GTF2F2: variants seen among roughly 807,000 people sequenced by gnomAD.
GTF2F2 encodes the protein general transcription factor IIF subunit 2.
A neutral mutation model predicts 42.2 loss-of-function variants in GTF2F2; 23 were observed. The ratio of observed to expected loss-of-function variants is 0.55; its 90% CI spans 0.39 to 0.77. The LOEUF is 0.77. GTF2F2 is among the 30% of genes least tolerant of loss of function. The pLI, the probability that GTF2F2 is intolerant of heterozygous loss-of-function variation, is 0.00. For missense variants in GTF2F2, 261 were observed against 287.2 expected (o/e 0.91, Z 0.66); for synonymous variants, 105 against 100.8 (o/e 1.04, Z -0.25).
At chr13:45,255,595 C>T (rs776238066) in intron 6 of GTF2F2, among the ~76,000 whole-genome samples, 2 of 152,178 alleles carry the variant, frequency 1.3e-5, no homozygotes, top group Non-Finnish European at 2.9e-5. Flanking sequence ...AGATTAAAGT[C>T]CACATCTTTG....
chr13:45,222,334 T>C (rs761430038), intron 5 of GTF2F2, among the ~76,000 whole-genome samples: 100 of 152,220 alleles, frequency 6.6e-4, no homozygotes, highest in Non-Finnish European at 1.3e-3. Context: ...CAAAATCCTT[T>C]GGGATTTTGT....
chr13:45,225,611 CAAAAAA>C (rs35637992), intron 5 of GTF2F2, among the ~76,000 whole-genome samples: 2 of 65,560 alleles, frequency 3.1e-5, no homozygotes, highest in South Asian at 4.8e-4. Context: ...AGCTCTGTCT[CAAAAAA>C]AAAAAAAAAA....
chr13:45,194,545 C>T (rs763027796), intron 4 of GTF2F2: 13 of 1,611,714 alleles, frequency 8.1e-6, no homozygotes, highest in Non-Finnish European at 1.1e-5. Flanking sequence ...TTCTTTTTCT[C>T]TTCTGTTTAT....
At chr13:45,146,680 A>G (rs1025877941) in intron 2 of GTF2F2, among the ~76,000 whole-genome samples, 1 of 152,232 alleles carries the variant, frequency 6.6e-6, no homozygotes, top group African/African-American at 2.4e-5. Flanking sequence ...AAATTAAGAA[A>G]GGCAACAGGA....
At chr13:45,207,380 AATG>A (rs1318961632) in intron 4 of GTF2F2, 41 bp from the exon 5 acceptor site, 13 of 1,156,182 alleles carry the variant, frequency 1.1e-5, no homozygotes, top group Middle Eastern at 1.9e-4. Flanking sequence ...CAGTCTTGAA[AATG>A]ATAAGTATTA....
At chr13:45,281,351 G>A (rs1346061657) in intron 7 of GTF2F2, among the ~76,000 whole-genome samples, 1 of 152,126 alleles carries the variant, frequency 6.6e-6, no homozygotes, top group Non-Finnish European at 1.5e-5. Flanking sequence ...TATGTTTCTA[G>A]GTGACAACCT....
chr13:45,197,870 A>G (rs114671136), intron 4 of GTF2F2, among the ~76,000 whole-genome samples: 495 of 152,326 alleles, frequency 3.2e-3, no homozygotes, highest in African/African-American at 0.012. Context: ...GGAACTGCTC[A>G]ATTTAATGGT....
At chr13:45,167,396 ATT>A (rs761750778) in intron 4 of GTF2F2, among the ~76,000 whole-genome samples, 66 of 104,238 alleles carry the variant, frequency 6.3e-4, no homozygotes, top group Admixed American at 1.2e-3. Flanking sequence ...TCACCCAGCT[ATT>A]TTTTTTTTTT....
At chr13:45,186,156 G>A (rs1366551988) in intron 4 of GTF2F2, among the ~76,000 whole-genome samples, 2 of 151,546 alleles carry the variant, frequency 1.3e-5, no homozygotes, top group African/African-American at 4.9e-5. Flanking sequence ...TATATTTTTA[G>A]TAGAGATGGG....
At chr13:45,164,383 A>AT (rs1359162537) in intron 4 of GTF2F2, among the ~76,000 whole-genome samples, 1 of 152,148 alleles carries the variant, frequency 6.6e-6, no homozygotes, top group South Asian at 2.1e-4. Flanking sequence ...AAACTGACCT[A>AT]TTTTTTTAAA....
chr13:45,234,914 G>A lies in GTF2F2; in HGVS notation c.387-17957G>A, dbSNP rs113752445. ...TACAAAGTTAGCCGGGCATGGTGGC[G>A]CATGCCTGTAATCCCAGCTATTCGG... On this transcript the variant is annotated intron_variant, in intron 5 of 7. Coordinates refer to ENST00000340473, the MANE Select transcript of GTF2F2 (RefSeq NM_004128.3). Among the ~76,000 whole-genome samples the A allele has an allele frequency of 4.3e-4, 66 of 151,898 alleles. 1 individual carries two copies. The highest frequency in any genetic ancestry group is 3.4e-3 in the Middle Eastern group (1 of 294).
chr13:45,150,066 T>TA (rs1233173014), intron 3 of GTF2F2, among the ~76,000 whole-genome samples: 1 of 152,226 alleles, frequency 6.6e-6, no homozygotes, highest in Admixed American at 6.5e-5. Flanking sequence ...ACGTTAGTAT[T>TA]ACTTCAGTGT....
intron 5 of GTF2F2, among the ~76,000 whole-genome samples, chr13:45,222,581 A>G (rs960387335): frequency 6.6e-5 from 10 of 150,684 alleles, no homozygotes; most frequent in Non-Finnish European, 1.3e-4. Flanking sequence ...TAAGGTTAAT[A>G]CTATAGGATG....
intron 7 of GTF2F2, among the ~76,000 whole-genome samples, chr13:45,271,074 C>T (rs950836550): frequency 6.6e-6 from 1 of 151,846 alleles, no homozygotes; most frequent in South Asian, 2.1e-4. Flanking sequence ...GGGCAGATCA[C>T]GAGGTCAGGA....
Position 45,265,365 on chromosome 13 carries a change from G to A in GTF2F2, c.487-1868G>A, listed in dbSNP as rs17066566. 5.6e-3 allele frequency among the ~76,000 whole-genome samples: 848 copies of A among 152,038 alleles called. 9 individuals carry two copies. The highest frequency in any genetic ancestry group is 0.019 in the African/African-American group (791 of 41,486). Reference sequence around the variant, plus strand: ...AAGCATGGTGATCTTGTCCTAGGTAGCTCTTTGTCCATTACTGCATTTAAA... The same window carrying A: ...AAGCATGGTGATCTTGTCCTAGGTAACTCTTTGTCCATTACTGCATTTAAA... On this transcript the variant is annotated intron_variant, in intron 6 of 7. Transcript: ENST00000340473.
chr13:45,165,661 C>T (rs374494101), intron 4 of GTF2F2, among the ~76,000 whole-genome samples: 1 of 151,028 alleles, frequency 6.6e-6, no homozygotes, highest in African/African-American at 2.5e-5. Flanking sequence ...TTCCATATAC[C>T]TATCATTCAT....
At chr13:45,197,249 C>A (rs1872941479) in intron 4 of GTF2F2, among the ~76,000 whole-genome samples, 1 of 151,210 alleles carries the variant, frequency 6.6e-6, no homozygotes, top group Non-Finnish European at 1.5e-5. Context: ...GTAATCCCAG[C>A]ACTTTGGGAG....
intron 2 of GTF2F2, among the ~76,000 whole-genome samples, chr13:45,147,906 G>A (rs1321547924): frequency 6.6e-6 from 1 of 152,106 alleles, no homozygotes; most frequent in African/African-American, 2.4e-5. Context: ...GCATTTCCAT[G>A]ACAGGTACAT....
intron 4 of GTF2F2, among the ~76,000 whole-genome samples, chr13:45,169,423 G>C (rs1034584568): frequency 6.6e-6 from 1 of 152,102 alleles, no homozygotes; most frequent in South Asian, 2.1e-4. Context: ...TAGGCACCTC[G>C]ATCTTGGACT....
Sources: allele counts gnomAD v4.1 joint callset (sites outside exome capture counted in the v4.1 genomes callset), GRCh38; gene constraint gnomAD v4.1.1; transcripts MANE v1.5; gene names NCBI Gene and HGNC (gene_info 2026-07-23, HGNC 2026-07-21).